ASXL2: variants seen among roughly 807,000 people sequenced by gnomAD.
ASXL2 encodes ASXL transcriptional regulator 2.
In ASXL2, 23 loss-of-function variants were observed where a neutral mutation model predicts 122.0. The ratio of observed to expected loss-of-function variants is 0.19; its 90% CI spans 0.14 to 0.27. ASXL2 has a LOEUF of 0.27. Among genes scored for constraint, ASXL2 ranks in the 10% least tolerant of loss-of-function variants. ASXL2 has a pLI of 1.00. For missense variants in ASXL2, 1,518 were observed against 1,713.8 expected (o/e 0.89, Z 2.02); for synonymous variants, 650 against 637.0 (o/e 1.02, Z -0.31).
intron 11 of ASXL2, among the ~76,000 whole-genome samples, chr2:25,751,738 T>C (rs1203461466): frequency 6.6e-6 from 1 of 151,968 alleles, no homozygotes; most frequent in African/African-American, 2.4e-5. Context: ...ACATCACTTC[T>C]ATAGCTCAAT....
chr2:25,872,250 T>C (rs959361825), intron 1 of ASXL2, among the ~76,000 whole-genome samples: 2 of 152,146 alleles, frequency 1.3e-5, no homozygotes, highest in Non-Finnish European at 2.9e-5. Context: ...GGCGTGGTAG[T>C]GCGTGCTTGT....
At chr2:25,815,402 T>C (rs957510827) in intron 3 of ASXL2, among the ~76,000 whole-genome samples, 7 of 151,962 alleles carry the variant, frequency 4.6e-5, no homozygotes, top group Non-Finnish European at 8.8e-5. Flanking sequence ...CCTCCTTTTC[T>C]CCTAGCAACC....
intron 3 of ASXL2, among the ~76,000 whole-genome samples, chr2:25,817,434 C>G (rs1355426107): frequency 6.6e-6 from 1 of 152,096 alleles, no homozygotes; most frequent in African/African-American, 2.4e-5. Context: ...AAACTAAAGC[C>G]TAGTAACTTT....
Position 25,733,954 on chromosome 2 carries a change from C to A in ASXL2, c.*8075G>T, listed in dbSNP as rs1354543832. The A allele has an allele frequency of 1.3e-5, 2 of 151,924 alleles. No homozygotes were observed. The highest frequency in any genetic ancestry group is 2.9e-5 in the Non-Finnish European group (2 of 67,996). 9.4% of individuals were successfully genotyped at this position (151,924 alleles called of 1,614,324 possible). A position where few individuals can be genotyped will look rare whatever the true frequency, so the allele number is the denominator to read the frequency against. ...GTCAAAGTGCTAAGGCCTATGCGCA[C>A]AAAGATTTTAAGTGAATAAGAATTA... On this transcript the variant is annotated 3_prime_UTR_variant, in exon 13 of 13. Coordinates refer to ENST00000435504, the MANE Select transcript of ASXL2 (RefSeq NM_018263.6).
In ASXL2 at chr2:25,741,056, C is replaced by T. The variant is rs1406662011; in HGVS notation, c.*973G>A. 1.5e-5 allele frequency: 3 copies of T among 193,924 alleles called. No individual in the cohort carries two copies. Among genetic ancestry groups the T allele is most frequent in the Admixed American group, 6.1e-5 (1 of 16,374 alleles). 12.0% of individuals were successfully genotyped at this position (193,924 alleles called of 1,614,324 possible). ...CAAAACTGTTTTCCAAAGTTATTTA[C>T]GTTCAATTTAACAGTTTCTGTGGTT... On this transcript the variant is annotated 3_prime_UTR_variant, in exon 13 of 13. Transcript: ENST00000435504.
chr2:25,823,837 T>C (rs1390857818), intron 3 of ASXL2, among the ~76,000 whole-genome samples: 3 of 152,304 alleles, frequency 2.0e-5, no homozygotes, highest in Middle Eastern at 6.8e-3. Context: ...TTGGAAGACT[T>C]CTTGGCTGTC....
intron 3 of ASXL2, among the ~76,000 whole-genome samples, chr2:25,813,656 G>A (rs982862908): frequency 6.6e-5 from 10 of 151,790 alleles, no homozygotes; most frequent in African/African-American, 2.4e-4. Flanking sequence ...GCACTTAGAA[G>A]AGTAACAACA....
At chr2:25,785,707 T>C (rs2088733695) in intron 5 of ASXL2, among the ~76,000 whole-genome samples, 1 of 151,302 alleles carries the variant, frequency 6.6e-6, no homozygotes, top group Non-Finnish European at 1.5e-5. Flanking sequence ...CCACCACGCC[T>C]GGCTCACTTT....
intron 3 of ASXL2, among the ~76,000 whole-genome samples, chr2:25,828,316 C>T (rs557349145): frequency 2.6e-5 from 4 of 151,490 alleles, no homozygotes; most frequent in Non-Finnish European, 5.9e-5. Context: ...ACCAGCCTGA[C>T]CAACATGGAG....
chr2:25,858,843 G>A (rs72801881), intron 1 of ASXL2, among the ~76,000 whole-genome samples: 6,162 of 145,936 alleles, frequency 0.042, 204 homozygotes, highest in African/African-American at 0.079. Context: ...ATGGAGTCTC[G>A]CTCTTTATTG....
rs181052525 is a variant in ASXL2, at chr2:25,845,263, G to C, written c.140+218C>G. 899 of 667,942 alleles carry C rather than the reference G, an allele frequency of 1.3e-3. 4 individuals are homozygous for C. The African/African-American group carries it at 0.014, about 10-fold the overall frequency. The allele number at this position is 667,942 out of a possible 1,614,324, so 41.4% of individuals were successfully genotyped here. A position where few individuals can be genotyped will look rare whatever the true frequency, so the allele number is the denominator to read the frequency against. ...ATTAAAGTGCATGGGCTTAAAGATA[G>C]CTACCCTCTAAGAATTGGTTTTAAA... On this transcript the variant is annotated intron_variant, in intron 2 of 12. Coordinates refer to ENST00000435504, the MANE Select transcript of ASXL2 (RefSeq NM_018263.6).
At chr2:25,850,471 T>C (rs2089701953) in intron 1 of ASXL2, among the ~76,000 whole-genome samples, 1 of 152,234 alleles carries the variant, frequency 6.6e-6, no homozygotes, top group Non-Finnish European at 1.5e-5. Flanking sequence ...GTCCCTTGCA[T>C]TTCCTGAAAA....
chr2:25,773,126 T>A (rs910828749), intron 5 of ASXL2, among the ~76,000 whole-genome samples: 13 of 151,368 alleles, frequency 8.6e-5, no homozygotes, highest in Non-Finnish European at 1.8e-4. Flanking sequence ...GAGAATCCCT[T>A]GAACCCTGGA....
At position 25,832,375 on chromosome 2, in the gene ASXL2, T is replaced by A. The variant is rs2089464417; in HGVS notation, c.143+3163A>T. On this transcript the variant is annotated intron_variant, in intron 3 of 12. Transcript: ENST00000435504. ...AAGCATGTAAAGACATACAAAGAAA[T>A]ACAATACTATAAATAAATCAAGACA... 2.0e-5 allele frequency among the ~76,000 whole-genome samples: 3 copies of A among 151,432 alleles called. No homozygotes were observed. In the South Asian group the frequency reaches 6.3e-4, roughly 32 times the overall value.
Position 25,734,021 on chromosome 2 carries a change from T to G in ASXL2, c.*8008A>C, listed in dbSNP as rs972872396. The G allele has an allele frequency of 1.3e-5, 2 of 151,644 alleles. No individual in the cohort carries two copies. The highest frequency in any genetic ancestry group is 2.9e-5 in the Non-Finnish European group (2 of 67,972). 9.4% of individuals were successfully genotyped at this position (151,644 alleles called of 1,614,324 possible). A position where few individuals can be genotyped will look rare whatever the true frequency, so the allele number is the denominator to read the frequency against. On this transcript the variant is annotated 3_prime_UTR_variant, in exon 13 of 13. Transcript: ENST00000435504. ...CCATTCCGACTTCTCTTAGTGCTGGTGAAGGGTGCAATGCAGTCACAGAAT... is the reference window on the plus strand; with the variant it reads ...CCATTCCGACTTCTCTTAGTGCTGGGGAAGGGTGCAATGCAGTCACAGAAT...
intron 5 of ASXL2, among the ~76,000 whole-genome samples, chr2:25,781,261 C>T (rs186193651): frequency 1.3e-5 from 2 of 151,504 alleles, no homozygotes; most frequent in East Asian, 2.0e-4. Context: ...TGGCCAGGCA[C>T]GGTGGCTCAC....
At chr2:25,754,096 G>A (rs10194371) in intron 10 of ASXL2, among the ~76,000 whole-genome samples, 41,843 of 151,992 alleles carry the variant, frequency 0.28, 6,072 homozygotes, top group African/African-American at 0.32. Flanking sequence ...ATAAAGAAAA[G>A]CTATGGCCCT....
chr2:25,863,437 A>C (rs1042348674), intron 1 of ASXL2, among the ~76,000 whole-genome samples: 2 of 152,060 alleles, frequency 1.3e-5, no homozygotes, highest in Non-Finnish European at 2.9e-5. Flanking sequence ...TCACACCTGT[A>C]ATCCCAGCAC....
intron 6 of ASXL2, among the ~76,000 whole-genome samples, chr2:25,769,372 T>C (rs1400150244): frequency 6.6e-6 from 1 of 152,190 alleles, no homozygotes; most frequent in Non-Finnish European, 1.5e-5. Flanking sequence ...TTTACAGAAG[T>C]TTGTAAATAA....
Sources: gnomAD v4.1 joint callset for allele counts (sites outside exome capture counted in the v4.1 genomes callset) on GRCh38, gnomAD v4.1.1 for gene constraint, MANE v1.5 for transcripts, NCBI Gene and HGNC (gene_info 2026-07-23, HGNC 2026-07-21) for gene names.